The following SYT16 variants were observed in gnomAD, a reference collection of about 807,000 sequenced individuals.
SYT16 encodes synaptotagmin 16, also known as synaptotagmin-16.
Under a neutral mutation model 61.4 loss-of-function variants are expected in SYT16, and 42 were observed. That is an observed-to-expected ratio of 0.68 (90% CI 0.53 to 0.89). The LOEUF is 0.89. Among genes scored for constraint, SYT16 ranks in the 40% least tolerant of loss-of-function variants. The probability of loss-of-function intolerance (pLI) is 0.00; values close to 1 mark genes in which losing one functional copy is unlikely to be tolerated. For synonymous variants in SYT16, 314 were observed against 302.3 expected (o/e 1.04, Z -0.40); for missense variants, 804 against 807.3 (o/e 1.00, Z 0.05).
At chr14:62,083,856 CAG>C (rs929505383) in intron 6 of SYT16, among the ~76,000 whole-genome samples, 18 of 152,058 alleles carry the variant, frequency 1.2e-4, no homozygotes, top group Non-Finnish European at 2.1e-4. Context: ...ACAGATTACA[CAG>C]GGGGGAATTT....
rs1273969003 is a variant in SYT16, at chr14:61,850,166, C to T, written c.-325+37356C>T. Among the ~76,000 whole-genome samples the T allele has an allele frequency of 2.7e-5, 4 of 150,320 alleles. No individual in the cohort carries two copies. The East Asian group carries it at 7.8e-4, about 29-fold the overall frequency. Reference sequence around the variant, plus strand: ...TTTTTTTTTTTGAGACGGACTTTTGCTCCTGTCACCCAGGCTGGAGTGCAA... The same window carrying T: ...TTTTTTTTTTTGAGACGGACTTTTGTTCCTGTCACCCAGGCTGGAGTGCAA... On this transcript the variant is annotated intron_variant, in intron 1 of 7. Transcript: ENST00000683842.
chr14:62,029,740 C>T (rs17099401), intron 3 of SYT16, among the ~76,000 whole-genome samples: 6,839 of 151,602 alleles, frequency 0.045, 257 homozygotes, highest in African/African-American at 0.11. Context: ...ATAGTTCTGT[C>T]GCTCACCCTC....
intron 3 of SYT16, among the ~76,000 whole-genome samples, chr14:62,058,796 G>T (rs1022078931): frequency 2.0e-5 from 3 of 152,042 alleles, no homozygotes; most frequent in Admixed American, 1.3e-4. Flanking sequence ...AAATTTTGTC[G>T]ATAGCAAAGA....
chr14:61,992,819 CA>C (rs1452397943), intron 2 of SYT16, among the ~76,000 whole-genome samples: 1 of 151,984 alleles, frequency 6.6e-6, no homozygotes, highest in Non-Finnish European at 1.5e-5. Context: ...GAGTTGGAAA[CA>C]TTCAAATTAA....
At chr14:62,067,827 A>G (rs1209125321) in intron 3 of SYT16, among the ~76,000 whole-genome samples, 1 of 151,994 alleles carries the variant, frequency 6.6e-6, no homozygotes, top group Non-Finnish European at 1.5e-5. Flanking sequence ...AAACAAACAA[A>G]TAAATAAATA....
At position 62,104,946 on chromosome 14, in the gene SYT16, T is replaced by C. The variant is rs1262902820; in HGVS notation, c.*4239T>C. On this transcript the variant is annotated 3_prime_UTR_variant, in exon 8 of 8. Coordinates refer to ENST00000683842, the MANE Select transcript of SYT16 (RefSeq NM_001367656.1). ...TTACAGTCATGCCTGAAAAAGAAAA[T>C]ATTTAAGATGTGTCTTCTTTTTCTA... The C allele has an allele frequency of 2.0e-5, 3 of 152,040 alleles. No homozygotes were observed. The highest frequency in any genetic ancestry group is 7.3e-5 in the African/African-American group (3 of 41,378). 9.4% of individuals were successfully genotyped at this position (152,040 alleles called of 1,614,324 possible). A position where few individuals can be genotyped will look rare whatever the true frequency, so the allele number is the denominator to read the frequency against.
chr14:61,878,236 T>G (rs1254063715), intron 1 of SYT16, among the ~76,000 whole-genome samples: 1 of 152,214 alleles, frequency 6.6e-6, no homozygotes, highest in African/African-American at 2.4e-5. Flanking sequence ...AGAAAAGCTT[T>G]AAAACATTCT....
At chr14:62,046,629 T>C (rs960963234) in intron 3 of SYT16, among the ~76,000 whole-genome samples, 2 of 152,240 alleles carry the variant, frequency 1.3e-5, no homozygotes, top group African/African-American at 4.8e-5. Context: ...TTAATTTTTA[T>C]ATAAGGTGTA....
intron 1 of SYT16, among the ~76,000 whole-genome samples, chr14:61,816,516 CAAAG>C (rs2045431266): frequency 1.3e-5 from 2 of 152,158 alleles, no homozygotes; most frequent in East Asian, 1.9e-4. Context: ...AAAATATAGA[CAAAG>C]AGAGTTAGAA....
intron 2 of SYT16, among the ~76,000 whole-genome samples, chr14:61,994,178 T>A (rs981248974): frequency 6.6e-6 from 1 of 152,148 alleles, no homozygotes; most frequent in Non-Finnish European, 1.5e-5. Flanking sequence ...AAGGTAGTGT[T>A]GAAGAGAGAA....
chr14:61,844,739 G>A (rs1196056259), intron 1 of SYT16, among the ~76,000 whole-genome samples: 1 of 152,096 alleles, frequency 6.6e-6, no homozygotes, highest in Non-Finnish European at 1.5e-5. Context: ...AATCCCACTT[G>A]GTTATAATGA....
At chr14:61,866,824 C>T (rs1242497550) in intron 1 of SYT16, among the ~76,000 whole-genome samples, 4 of 152,016 alleles carry the variant, frequency 2.6e-5, no homozygotes, top group Non-Finnish European at 2.9e-5. Context: ...CAGAAGAAAT[C>T]TTTGCCTAAT....
rs2056813166 is a variant in SYT16, at chr14:62,084,283, G to A, written c.1522G>A (p.Glu508Lys). ...TQSLSHGGAP[E>K]LLVGLSYNAT... is the part of the protein sequence containing the mutation. ...GTCGCTGTCTCATGGAGGGGCGCCA[G>A]AGCTGTTGGTGGGGCTCTCGTACAA... The change falls in exon 7 of 8, where the codon GAG becomes AAG. Residue 508 changes from glutamate to lysine, a missense_variant. Glu to Lys is a moderately conservative substitution (Grantham distance 56). Coordinates refer to ENST00000683842, the MANE Select transcript of SYT16 (RefSeq NM_001367656.1). 1.2e-6 allele frequency: 2 copies of A among 1,613,816 alleles called. No homozygotes were observed. Among genetic ancestry groups the A allele is most frequent in the African/African-American group, 2.7e-5 (2 of 74,920 alleles).
chr14:61,850,332 A>G lies in SYT16; in HGVS notation c.-325+37522A>G, dbSNP rs544013215. Among the ~76,000 whole-genome samples the G allele has an allele frequency of 4.6e-5, 7 of 151,704 alleles. No individual in the cohort carries two copies. The East Asian group carries it at 1.4e-3, about 30-fold the overall frequency. ...GTATTTTTAGTAGAGATGGGGTTTC[A>G]CCATGTTGGCCAGGCTGGTCTCAAA... On this transcript the variant is annotated intron_variant, in intron 1 of 7. Transcript: ENST00000683842.
At chr14:62,012,470 A>G (rs868737828) in intron 3 of SYT16, among the ~76,000 whole-genome samples, 4 of 152,272 alleles carry the variant, frequency 2.6e-5, no homozygotes, top group Middle Eastern at 3.4e-3. Context: ...ATCTCATGTA[A>G]TGTAATTGTG....
intron 7 of SYT16, among the ~76,000 whole-genome samples, chr14:62,090,503 A>C (rs1665178078): frequency 6.6e-6 from 1 of 152,186 alleles, no homozygotes; most frequent in Admixed American, 6.5e-5. Context: ...AACATATATG[A>C]GACATATGAC....
chr14:62,064,128 A>C (rs1437020217), intron 3 of SYT16, among the ~76,000 whole-genome samples: 2 of 152,138 alleles, frequency 1.3e-5, no homozygotes, highest in Non-Finnish European at 2.9e-5. Flanking sequence ...ACTTAATGGG[A>C]AAGGGATTTG....
At chr14:62,090,760 A>G (rs2057043790) in intron 7 of SYT16, among the ~76,000 whole-genome samples, 1 of 152,212 alleles carries the variant, frequency 6.6e-6, no homozygotes, top group Non-Finnish European at 1.5e-5. Context: ...TGCTGCTGAT[A>G]AAGACGTACC....
intron 1 of SYT16, among the ~76,000 whole-genome samples, chr14:61,941,746 C>T (rs1303025399): frequency 7.2e-5 from 11 of 152,176 alleles, no homozygotes; most frequent in Admixed American, 1.3e-4. Context: ...CAAACCCCAT[C>T]GCTATGACCA....
Sources: gnomAD v4.1 joint callset for allele counts (sites outside exome capture counted in the v4.1 genomes callset) on GRCh38, gnomAD v4.1.1 for gene constraint, MANE v1.5 for transcripts, NCBI Gene and HGNC (gene_info 2026-07-23, HGNC 2026-07-21) for gene names.